The following CAMSAP1 variants were observed in gnomAD, a reference collection of about 807,000 sequenced individuals.
CAMSAP1 encodes calmodulin regulated spectrin associated protein 1.
A neutral mutation model predicts 143.5 loss-of-function variants in CAMSAP1; 58 were observed. The ratio of observed to expected loss-of-function variants is 0.40; its 90% CI spans 0.33 to 0.50. The LOEUF is 0.50. Among genes scored for constraint, CAMSAP1 ranks in the 20% least tolerant of loss-of-function variants. The pLI, the probability that CAMSAP1 is intolerant of heterozygous loss-of-function variation, is 0.45. For synonymous variants in CAMSAP1, 945 were observed against 859.3 expected (o/e 1.10, Z -1.74); for missense variants, 1,969 against 2,115.7 (o/e 0.93, Z 1.36).
chr9:135,863,080 G>A (rs1400964424), intron 4 of CAMSAP1, among the ~76,000 whole-genome samples: 3 of 152,146 alleles, frequency 2.0e-5, no homozygotes, highest in Admixed American at 6.5e-5. Context: ...ACACAAAACA[G>A]CATGAATATT....
At chr9:135,843,869 G>A (rs1480534333) in intron 7 of CAMSAP1, among the ~76,000 whole-genome samples, 4 of 98,982 alleles carry the variant, frequency 4.0e-5, no homozygotes, top group South Asian at 3.8e-4. Context: ...GCAAGACTCC[G>A]TCTCAAAAAA....
chr9:135,868,063 G>A (rs2130948005), intron 3 of CAMSAP1, among the ~76,000 whole-genome samples: 1 of 151,742 alleles, frequency 6.6e-6, no homozygotes, highest in Non-Finnish European at 1.5e-5. Context: ...AGAAAATTCA[G>A]TCAACCTAAA....
At chr9:135,890,081 C>T (rs1009044948) in intron 1 of CAMSAP1, among the ~76,000 whole-genome samples, 2 of 152,158 alleles carry the variant, frequency 1.3e-5, no homozygotes, top group African/African-American at 4.8e-5. Context: ...GCACGGTGGA[C>T]CCTGTGCTAG....
In CAMSAP1 at chr9:135,810,442, G is replaced by C. The variant is rs372009655; in HGVS notation, c.*867C>G. On this transcript the variant is annotated 3_prime_UTR_variant, in exon 17 of 17. Transcript: ENST00000389532. Reference sequence around the variant, plus strand: ...AAAATATTCTACTTTACCAAAATCTGTCTTTATTAAAGTGAACAAACCATT... The same window carrying C: ...AAAATATTCTACTTTACCAAAATCTCTCTTTATTAAAGTGAACAAACCATT... 8 of 152,516 alleles carry C rather than the reference G, an allele frequency of 5.2e-5. No individual in the cohort carries two copies. The highest frequency in any genetic ancestry group is 1.9e-4 in the African/African-American group (8 of 41,538). The allele number at this position is 152,516 out of a possible 1,614,324, so 9.4% of individuals were successfully genotyped here. A position where few individuals can be genotyped will look rare whatever the true frequency, so the allele number is the denominator to read the frequency against.
rs888063582 is a variant in CAMSAP1 at position 135,818,276 on chromosome 9, G to A, written c.4168+132C>T. On this transcript the variant is annotated intron_variant, in intron 13 of 16. Coordinates refer to ENST00000389532, the MANE Select transcript of CAMSAP1 (RefSeq NM_015447.4). This position sits in a 1 kb window ranked among gnomAD's most constrained non-coding sequence, Gnocchi z 7.7. ...ATCTGGTCTCAACATTGTCATCCAT[G>A]AAACGGGGATAATCATCTCCACCCT... is the stretch of plus-strand genomic sequence containing the variant. 25 of 1,135,816 alleles carry A rather than the reference G, an allele frequency of 2.2e-5. No individual in the cohort carries two copies. The highest frequency in any genetic ancestry group is 2.7e-5 in the Non-Finnish European group (22 of 810,112). 70.4% of individuals were successfully genotyped at this position (1,135,816 alleles called of 1,614,324 possible). A position where few individuals can be genotyped will look rare whatever the true frequency, so the allele number is the denominator to read the frequency against.
chr9:135,840,824 T>C (rs559499480), intron 7 of CAMSAP1, among the ~76,000 whole-genome samples: 1 of 152,296 alleles, frequency 6.6e-6, no homozygotes, highest in African/African-American at 2.4e-5. Context: ...GTCCAAATAC[T>C]ATGCTTTTCC....
rs1837765242 is a variant in CAMSAP1, at chr9:135,876,795, G to C, written c.585+4838C>G. Among the ~76,000 whole-genome samples the C allele has an allele frequency of 2.0e-5, 3 of 152,204 alleles. No individual in the cohort carries two copies. In the South Asian group the frequency reaches 6.2e-4, roughly 32 times the overall value. ...AGGCTGAGATGGGTGGATCATCTGA[G>C]GTCAGGAGTTCAAGACTAGCCTGGC... On this transcript the variant is annotated intron_variant, in intron 3 of 16. Transcript: ENST00000389532.
rs527549455 is a variant in CAMSAP1 at position 135,839,045 on chromosome 9, A to G, written c.1045+11092T>C. On this transcript the variant is annotated intron_variant, in intron 7 of 16. Transcript: ENST00000389532. ...TTACGCACTTTCTACTCCATTCTCA[A>G]GACACACATCATCACACACTTTCTA... 2.0e-5 allele frequency among the ~76,000 whole-genome samples: 3 copies of G among 152,294 alleles called. No homozygotes were observed. The East Asian group carries it at 5.8e-4, about 29-fold the overall frequency.
intron 16 of CAMSAP1, among the ~76,000 whole-genome samples, chr9:135,813,766 G>A (rs1020604999): frequency 3.2e-4 from 49 of 152,354 alleles, no homozygotes; most frequent in South Asian, 2.1e-4. Flanking sequence ...GCACGCTGAC[G>A]CTGGTTTCCT....
chr9:135,895,944 C>T (rs910816384), intron 1 of CAMSAP1, among the ~76,000 whole-genome samples: 1 of 151,718 alleles, frequency 6.6e-6, no homozygotes, highest in African/African-American at 2.4e-5. Context: ...GGTCAATTAA[C>T]CAATAAGAAG....
chr9:135,835,304 G>A (rs1210154796), intron 7 of CAMSAP1, among the ~76,000 whole-genome samples: 1 of 152,138 alleles, frequency 6.6e-6, no homozygotes, highest in Non-Finnish European at 1.5e-5. Flanking sequence ...AGCAGCACCA[G>A]GCAGCCCCGT....
At chr9:135,900,842 C>T (rs1315719567) in intron 1 of CAMSAP1, among the ~76,000 whole-genome samples, 1 of 151,946 alleles carries the variant, frequency 6.6e-6, no homozygotes, top group Non-Finnish European at 1.5e-5. Context: ...GCAGCCTCCG[C>T]CTCCTGGGTT....
intron 1 of CAMSAP1, 72 bp from the exon 2 acceptor site, chr9:135,883,150 G>A: frequency 6.7e-7 from 1 of 1,493,766 alleles, no homozygotes; most frequent in African/African-American, 1.4e-5. Flanking sequence ...AGGCTGCAGT[G>A]AACTATGACT....
At chr9:135,896,495 T>C (rs1564463005) in intron 1 of CAMSAP1, among the ~76,000 whole-genome samples, 1 of 152,132 alleles carries the variant, frequency 6.6e-6, no homozygotes. Context: ...AACAAAGATA[T>C]AAATCAGAAC....
intron 8 of CAMSAP1, among the ~76,000 whole-genome samples, chr9:135,827,142 G>A (rs112105286): frequency 6.6e-6 from 1 of 152,070 alleles, no homozygotes; most frequent in East Asian, 1.9e-4. Flanking sequence ...TGTAACACAT[G>A]GTGGAAAAGA....
At chr9:135,838,945 C>T (rs1036943558) in intron 7 of CAMSAP1, among the ~76,000 whole-genome samples, 4 of 151,802 alleles carry the variant, frequency 2.6e-5, no homozygotes, top group African/African-American at 9.7e-5. Context: ...AGAGACATAT[C>T]ACCACACACT....
intron 5 of CAMSAP1, among the ~76,000 whole-genome samples, chr9:135,854,262 C>T (rs1229017238): frequency 2.0e-5 from 3 of 152,222 alleles, no homozygotes; most frequent in East Asian, 1.9e-4. Context: ...AAGAAGATTG[C>T]TCATTTTGTC....
chr9:135,882,498 G>A lies in CAMSAP1; in HGVS notation c.423+318C>T, dbSNP rs1391903737. On this transcript the variant is annotated intron_variant, in intron 2 of 16. Transcript: ENST00000389532. This position sits in a 1 kb window ranked among gnomAD's most constrained non-coding sequence, Gnocchi z 4.9. ...TGCATGAAACAACCTAACAGAATGG[G>A]TGCAACAATTACATTTCTCATCTGT... 6.6e-6 allele frequency among the ~76,000 whole-genome samples: 1 copy of A among 152,290 alleles called. No homozygotes were observed. The highest frequency in any genetic ancestry group is 2.1e-4 in the South Asian group (1 of 4,816).
intron 7 of CAMSAP1, among the ~76,000 whole-genome samples, chr9:135,838,154 C>A (rs1319456000): frequency 1.3e-5 from 2 of 150,332 alleles, no homozygotes; most frequent in African/African-American, 2.5e-5. Context: ...TACAGACACA[C>A]GTCATCACGC....
Sources: gnomAD v4.1 joint callset for allele counts (sites outside exome capture counted in the v4.1 genomes callset) on GRCh38, gnomAD v4.1.1 for gene constraint, Gnocchi (gnomAD v3.1) non-coding constraint, MANE v1.5 for transcripts, NCBI Gene and HGNC (gene_info 2026-07-23, HGNC 2026-07-21) for gene names.